The following CCNY variants were observed in gnomAD, a reference collection of about 807,000 sequenced individuals.
The protein encoded by CCNY is cyclin Y.
Under a neutral mutation model 42.8 loss-of-function variants are expected in CCNY, and 19 were observed. That is an observed-to-expected ratio of 0.44 (90% CI 0.31 to 0.65). The LOEUF (loss-of-function observed/expected upper bound fraction) is 0.65. CCNY is among the 30% of genes least tolerant of loss of function. The probability of loss-of-function intolerance (pLI) is 0.07; values close to 1 mark genes in which losing one functional copy is unlikely to be tolerated. For missense variants in CCNY, 370 were observed against 437.3 expected, an observed-to-expected ratio of 0.85 and a Z score of 1.37; for synonymous variants, 165 against 162.7, an observed-to-expected ratio of 1.01 and a Z score of -0.11.
chr10:35,324,712 A>G (rs1296491130), intron 3 of CCNY, among the ~76,000 whole-genome samples: 1 of 152,172 alleles, frequency 6.6e-6, no homozygotes, highest in African/African-American at 2.4e-5. Flanking sequence ...AAAGACCAAT[A>G]AGGAATTTTT....
intron 1 of CCNY, among the ~76,000 whole-genome samples, chr10:35,456,047 C>T (rs906226359): frequency 5.9e-5 from 9 of 152,106 alleles, no homozygotes; most frequent in Non-Finnish European, 8.8e-5. Context: ...GCTGCAGTAT[C>T]ACAGCCCAGT....
Position 35,367,917 on chromosome 10 carries a change from T to G in CCNY, c.154+30710T>G, listed in dbSNP as rs187710742. ...GAAGTAGTCACATACATACTGCCCC[T>G]CTCCCACACCTCTTTAAAAACTTTG... is the stretch of plus-strand genomic sequence containing the variant. On this transcript the variant is annotated intron_variant, in intron 1 of 9. Coordinates refer to ENST00000374704, the MANE Select transcript of CCNY (RefSeq NM_145012.6). Among the ~76,000 whole-genome samples, 566 of 152,318 alleles carry G rather than the reference T, an allele frequency of 3.7e-3. 4 individuals are homozygous for G. The highest frequency in any genetic ancestry group is 0.02 in the South Asian group (98 of 4,830).
chr10:35,569,247 T>G lies in CCNY; in HGVS notation c.*77T>G. 1.1e-6 allele frequency: 1 copy of G among 913,632 alleles called. No individual in the cohort carries two copies. Among genetic ancestry groups the G allele is most frequent in the Non-Finnish European group, 1.8e-6 (1 of 564,518 alleles). 56.6% of individuals were successfully genotyped at this position (913,632 alleles called of 1,614,324 possible). A position where few individuals can be genotyped will look rare whatever the true frequency, so the allele number is the denominator to read the frequency against. On this transcript the variant is annotated 3_prime_UTR_variant, in exon 10 of 10. Coordinates refer to ENST00000374704, the MANE Select transcript of CCNY (RefSeq NM_145012.6). ...GAGAAAAGACAGACTTGGGGTGGGT[T>G]TGTTTTTGTTTTTTCTTTCCTTTTC...
intron 2 of CCNY, among the ~76,000 whole-genome samples, chr10:35,497,341 G>T (rs1012013927): frequency 5.9e-5 from 9 of 152,178 alleles, no homozygotes; most frequent in African/African-American, 2.2e-4. Context: ...TTGAATTTCA[G>T]AGCTGTACCC....
chr10:35,536,374 G>A (rs1434551852), intron 7 of CCNY, among the ~76,000 whole-genome samples: 1 of 152,070 alleles, frequency 6.6e-6, no homozygotes, highest in South Asian at 2.1e-4. Flanking sequence ...GTGTGAAAAT[G>A]GACTAACACA....
intron 4 of CCNY, 36 bp downstream of exon 4, chr10:35,516,659 T>TC: frequency 2.4e-6 from 2 of 816,364 alleles, no homozygotes; most frequent in Admixed American, 3.5e-5. Context: ...CTTCCTTCCT[T>TC]CCTTTTTTTT....
intron 4 of CCNY, among the ~76,000 whole-genome samples, chr10:35,520,376 C>A (rs907166429): frequency 6.6e-6 from 1 of 152,158 alleles, no homozygotes; most frequent in Non-Finnish European, 1.5e-5. Context: ...CTCCTATTTT[C>A]TTTTTTGCTT....
At chr10:35,541,326 A>G (rs531272736) in intron 7 of CCNY, among the ~76,000 whole-genome samples, 1 of 152,278 alleles carries the variant, frequency 6.6e-6, no homozygotes, top group African/African-American at 2.4e-5. Context: ...ATATTATAAA[A>G]TTATATAATG....
intron 3 of CCNY, among the ~76,000 whole-genome samples, chr10:35,506,330 A>T (rs1239970071): frequency 6.6e-6 from 1 of 151,878 alleles, no homozygotes; most frequent in Non-Finnish European, 1.5e-5. Flanking sequence ...TGGTTCTCAG[A>T]CCCCCTGTTC....
At chr10:35,488,263 G>GA (rs1839825698) in intron 2 of CCNY, among the ~76,000 whole-genome samples, 1 of 152,162 alleles carries the variant, frequency 6.6e-6, no homozygotes. Context: ...TACTGAAATT[G>GA]AAAAAATATT....
chr10:35,267,938 T>G (rs899943805), intron 3 of CCNY, among the ~76,000 whole-genome samples: 1 of 152,160 alleles, frequency 6.6e-6, no homozygotes. Context: ...TTTTTTCCTT[T>G]TTTTTTGAGA....
At chr10:35,438,282 GGGATTATA>G (rs1838584468) in intron 1 of CCNY, among the ~76,000 whole-genome samples, 1 of 151,146 alleles carries the variant, frequency 6.6e-6, no homozygotes, top group African/African-American at 2.4e-5. Flanking sequence ...CCAAGTAGCT[GGGATTATA>G]GGTGCACACC....
At chr10:35,516,444 A>G (rs1371450778) in intron 3 of CCNY, 79 bp from the exon 4 acceptor site, 1 of 936,656 alleles carries the variant, frequency 1.1e-6, no homozygotes, top group African/African-American at 1.6e-5. Flanking sequence ...TCTTATCTCA[A>G]GTTAAGCGGG....
intron 3 of CCNY, among the ~76,000 whole-genome samples, chr10:35,264,288 C>G (rs1290630458): frequency 6.6e-6 from 1 of 151,960 alleles, no homozygotes; most frequent in Non-Finnish European, 1.5e-5. Flanking sequence ...GCACAATGTG[C>G]AGGTTTGTTA....
intron 3 of CCNY, among the ~76,000 whole-genome samples, chr10:35,508,488 C>T (rs537618114): frequency 1.3e-5 from 2 of 152,286 alleles, no homozygotes; most frequent in Admixed American, 1.3e-4. Flanking sequence ...CCTGGATAGC[C>T]ATTTCTCCAG....
chr10:35,433,488 T>A (rs1318591234), intron 1 of CCNY, among the ~76,000 whole-genome samples: 1 of 152,192 alleles, frequency 6.6e-6, no homozygotes, highest in East Asian at 1.9e-4. Flanking sequence ...AGAAAAGGTG[T>A]GGAAAATAAT....
At chr10:35,566,766 G>T (rs1841580408) in intron 9 of CCNY, among the ~76,000 whole-genome samples, 1 of 152,120 alleles carries the variant, frequency 6.6e-6, no homozygotes, top group Non-Finnish European at 1.5e-5. Flanking sequence ...GAGTGCAGTG[G>T]CACGATCTCA....
At chr10:35,283,694 C>A (rs1199198688) in intron 3 of CCNY, among the ~76,000 whole-genome samples, 3 of 152,152 alleles carry the variant, frequency 2.0e-5, no homozygotes, top group South Asian at 2.1e-4. Context: ...TGAGCCACTG[C>A]GCCCAGCCGG....
chr10:35,528,887 C>T (rs1227264942), intron 5 of CCNY, among the ~76,000 whole-genome samples: 1 of 152,182 alleles, frequency 6.6e-6, no homozygotes, highest in Non-Finnish European at 1.5e-5. Flanking sequence ...CTGTAGCCTT[C>T]TGAAGTTCTG....
Sources: allele counts gnomAD v4.1 joint callset (sites outside exome capture counted in the v4.1 genomes callset), GRCh38; gene constraint gnomAD v4.1.1; transcripts MANE v1.5; gene names NCBI Gene and HGNC (gene_info 2026-07-23, HGNC 2026-07-21).